EPHA6: variants seen among roughly 807,000 people sequenced by gnomAD.
The protein encoded by EPHA6 is ephrin type-A receptor 6.
EPHA6 carries 50 observed loss-of-function variants against 112.0 expected under a neutral mutation model. The observed-to-expected ratio is 0.45, with a 90% CI of 0.36 to 0.56. EPHA6 has a LOEUF of 0.56. Among genes scored for constraint, EPHA6 ranks in the 20% least tolerant of loss-of-function variants. The probability of loss-of-function intolerance (pLI) is 0.00; values close to 1 mark genes in which losing one functional copy is unlikely to be tolerated. For missense variants in EPHA6, 1,280 were observed against 1,417.4 expected (o/e 0.90, Z 1.56); for synonymous variants, 529 against 490.7 (o/e 1.08, Z -1.03).
At chr3:97,052,425 C>A (rs1416083163) in intron 3 of EPHA6, among the ~76,000 whole-genome samples, 2 of 151,052 alleles carry the variant, frequency 1.3e-5, no homozygotes, top group African/African-American at 4.9e-5. Flanking sequence ...ATTTTTTTTT[C>A]TTTGTCTGTC....
chr3:97,376,340 A>T (rs1039581159), intron 5 of EPHA6, among the ~76,000 whole-genome samples: 22 of 152,218 alleles, frequency 1.4e-4, no homozygotes, highest in African/African-American at 4.8e-4. Context: ...ATGTGGAAGT[A>T]TTAAAAATGA....
intron 11 of EPHA6, among the ~76,000 whole-genome samples, chr3:97,556,080 A>G (rs1315072750): frequency 1.3e-5 from 2 of 151,968 alleles, no homozygotes; most frequent in Non-Finnish European, 2.9e-5. Flanking sequence ...CAGCCCCTAC[A>G]TTCTGAAGCC....
chr3:96,818,530 G>T (rs2032992784), intron 1 of EPHA6, among the ~76,000 whole-genome samples: 1 of 151,824 alleles, frequency 6.6e-6, no homozygotes, highest in Non-Finnish European at 1.5e-5. Context: ...TTATTAATTT[G>T]AGCGAATCAA....
intron 10 of EPHA6, among the ~76,000 whole-genome samples, chr3:97,528,822 G>A (rs2092660873): frequency 6.6e-6 from 1 of 152,108 alleles, no homozygotes; most frequent in South Asian, 2.1e-4. Flanking sequence ...GCTTGTCCAG[G>A]AATGTTTTAC....
intron 3 of EPHA6, among the ~76,000 whole-genome samples, chr3:97,089,589 T>A (rs1008160019): frequency 3.3e-5 from 5 of 152,172 alleles, no homozygotes. Context: ...CACATTGTTT[T>A]CAAAAGGAGC....
intron 15 of EPHA6, among the ~76,000 whole-genome samples, chr3:97,733,770 T>C (rs774393703): frequency 5.3e-5 from 8 of 152,054 alleles, no homozygotes; most frequent in Non-Finnish European, 8.8e-5. Context: ...ATGAAATAAA[T>C]AATTTTTATT....
intron 2 of EPHA6, among the ~76,000 whole-genome samples, chr3:96,908,543 A>G (rs552996331): frequency 3.3e-5 from 5 of 151,878 alleles, no homozygotes; most frequent in African/African-American, 1.2e-4. Context: ...AGTAGGGTAA[A>G]CTTATATGTT....
intron 3 of EPHA6, among the ~76,000 whole-genome samples, chr3:97,012,363 C>CTG (rs1399738018): frequency 6.6e-6 from 1 of 151,326 alleles, no homozygotes; most frequent in African/African-American, 2.4e-5. Flanking sequence ...GTCACCCAGG[C>CTG]TGGAGTGCAT....
intron 13 of EPHA6, among the ~76,000 whole-genome samples, chr3:97,626,264 T>C (rs1241126770): frequency 6.6e-6 from 1 of 151,792 alleles, no homozygotes; most frequent in African/African-American, 2.4e-5. Flanking sequence ...TATACATTTG[T>C]TCCCCAAACT....
At chr3:96,849,150 T>C (rs190981752) in intron 1 of EPHA6, among the ~76,000 whole-genome samples, 82 of 152,230 alleles carry the variant, frequency 5.4e-4, no homozygotes, top group African/African-American at 1.9e-3. Flanking sequence ...AAAATGTCCA[T>C]AGCCTTTTGT....
intron 2 of EPHA6, among the ~76,000 whole-genome samples, chr3:96,889,104 CCTCATTTGCAT>C (rs2037804831): frequency 6.6e-6 from 1 of 152,124 alleles, no homozygotes; most frequent in African/African-American, 2.4e-5. Flanking sequence ...CCAACAAGTT[CCTCATTTGCAT>C]CTGAGACCAT....
At chr3:96,938,938 G>A (rs1217952173) in intron 2 of EPHA6, among the ~76,000 whole-genome samples, 3 of 152,196 alleles carry the variant, frequency 2.0e-5, no homozygotes, top group Non-Finnish European at 2.9e-5. Context: ...AACCAGCCTT[G>A]CATCCCAGGG....
intron 2 of EPHA6, among the ~76,000 whole-genome samples, chr3:96,953,712 C>T (rs2041645251): frequency 6.7e-6 from 1 of 150,102 alleles, no homozygotes; most frequent in Non-Finnish European, 1.5e-5. Context: ...CCATCTATAT[C>T]ACCATATGCT....
chr3:97,634,285 C>T (rs1033947261), intron 13 of EPHA6, among the ~76,000 whole-genome samples: 4 of 151,732 alleles, frequency 2.6e-5, no homozygotes, highest in Admixed American at 2.6e-4. Context: ...TTATCGTGTT[C>T]AATGAATGTT....
chr3:97,514,254 G>C (rs2092412103), intron 10 of EPHA6, among the ~76,000 whole-genome samples: 1 of 152,044 alleles, frequency 6.6e-6, no homozygotes, highest in Admixed American at 6.6e-5. Flanking sequence ...TTGGCTCATG[G>C]CCCTTCTCTG....
At chr3:97,535,004 T>C (rs1016789515) in intron 11 of EPHA6, among the ~76,000 whole-genome samples, 2 of 151,888 alleles carry the variant, frequency 1.3e-5, no homozygotes, top group African/African-American at 4.8e-5. Flanking sequence ...AAATTATGCC[T>C]TTCTCCTTAT....
intron 5 of EPHA6, among the ~76,000 whole-genome samples, chr3:97,286,544 G>A (rs2080470580): frequency 6.6e-6 from 1 of 152,112 alleles, no homozygotes; most frequent in Admixed American, 6.6e-5. Context: ...TCAGGTGGTT[G>A]CAAATAGGTG....
intron 3 of EPHA6, among the ~76,000 whole-genome samples, chr3:97,170,187 A>T (rs1438340018): frequency 6.6e-6 from 1 of 151,972 alleles, no homozygotes; most frequent in African/African-American, 2.4e-5. Flanking sequence ...AAGGAGTTCT[A>T]TATGGAAGGG....
Position 97,354,675 on chromosome 3 carries a change from G to A in EPHA6, c.1607-50475G>A, listed in dbSNP as rs571211065. Among the ~76,000 whole-genome samples the A allele has an allele frequency of 1.4e-4, 21 of 152,172 alleles. 1 individual carries two copies. In the South Asian group the frequency reaches 3.3e-3, roughly 24 times the overall value. ...TAAAGAGGCAGTAGAGAGAGAGATC[G>A]GGGTAGAAAGTTTATTCAAACAAAT... On this transcript the variant is annotated intron_variant, in intron 5 of 17. Transcript: ENST00000389672.
Sources: gnomAD v4.1 joint callset for allele counts (sites outside exome capture counted in the v4.1 genomes callset) on GRCh38, gnomAD v4.1.1 for gene constraint, MANE v1.5 for transcripts, NCBI Gene and HGNC (gene_info 2026-07-23, HGNC 2026-07-21) for gene names.